Variants in ABLIM1 observed in about 807,000 individuals in gnomAD.
ABLIM1 encodes actin-binding LIM protein 1.
Under a neutral mutation model 107.0 loss-of-function variants are expected in ABLIM1, and 40 were observed. That is an observed-to-expected ratio of 0.37 (90% CI 0.29 to 0.49). ABLIM1 has a LOEUF of 0.49. Ranked by LOEUF, ABLIM1 falls within the 20% of genes least tolerant of loss-of-function variation. The probability of loss-of-function intolerance (pLI) is 0.97; values close to 1 mark genes in which losing one functional copy is unlikely to be tolerated. For missense variants in ABLIM1, 857 were observed against 1,008.5 expected (o/e 0.85, Z 2.04); for synonymous variants, 357 against 357.3 (o/e 1.00, Z 0.01).
chr10:114,579,978 G>A (rs1158329646), intron 2 of ABLIM1, among the ~76,000 whole-genome samples: 3 of 152,124 alleles, frequency 2.0e-5, no homozygotes, highest in South Asian at 2.1e-4. Context: ...GGGGAGACTA[G>A]ATCGGTGTTG....
intron 2 of ABLIM1, among the ~76,000 whole-genome samples, chr10:114,596,245 T>G (rs2139776181): frequency 6.6e-6 from 1 of 152,326 alleles, no homozygotes; most frequent in Non-Finnish European, 1.5e-5. Flanking sequence ...CTGGCCTGCA[T>G]GCTATGCATC....
At chr10:114,573,041 C>T (rs80171207) in intron 3 of ABLIM1, among the ~76,000 whole-genome samples, 3 of 152,184 alleles carry the variant, frequency 2.0e-5, no homozygotes, top group African/African-American at 7.2e-5. Context: ...ATGGGACAAG[C>T]CAGAATCCAG....
intron 6 of ABLIM1, among the ~76,000 whole-genome samples, chr10:114,543,816 C>G (rs535312351): frequency 5.3e-5 from 8 of 152,306 alleles, no homozygotes; most frequent in Non-Finnish European, 1.2e-4. Flanking sequence ...TTTTCCTCAC[C>G]TCTGAGCCTC....
chr10:114,582,354 T>C (rs766953358), intron 2 of ABLIM1, among the ~76,000 whole-genome samples: 8 of 152,024 alleles, frequency 5.3e-5, no homozygotes, highest in Non-Finnish European at 8.8e-5. Context: ...CTGAAAGAAA[T>C]CATAGATGAT....
chr10:114,799,798 G>T, the ABLIM1 span, among the ~76,000 whole-genome samples: 1 of 151,988 alleles, frequency 6.6e-6, no homozygotes, highest in Non-Finnish European at 1.5e-5. Context: ...TTGAGACAGG[G>T]TCTCACTCTG....
rs1430714857 is a variant in ABLIM1, at chr10:114,472,972, A to G, written c.1275+5T>C. ...TACAACTCACAACCAGTAGGAATGT[A>G]TTACCTCTCCAAGGCTCTGTCTCTC... On this transcript the variant is annotated splice_donor_5th_base_variant and intron_variant, in intron 10 of 22. Coordinates refer to ENST00000533213, the MANE Select transcript of ABLIM1 (RefSeq NM_002313.7). 1.3e-6 allele frequency: 2 copies of G among 1,576,736 alleles called. No individual in the cohort carries two copies. Among genetic ancestry groups the G allele is most frequent in the South Asian group, 2.4e-5 (2 of 84,952 alleles).
chr10:114,680,130 G>T (rs1000628392), intron 1 of ABLIM1, among the ~76,000 whole-genome samples: 1 of 148,576 alleles, frequency 6.7e-6, no homozygotes, highest in African/African-American at 2.4e-5. Context: ...TAATTTGCAA[G>T]AATCTGAATC....
intron 1 of ABLIM1, among the ~76,000 whole-genome samples, chr10:114,608,739 G>A (rs1459676428): frequency 6.6e-6 from 1 of 152,086 alleles, no homozygotes; most frequent in Non-Finnish European, 1.5e-5. Flanking sequence ...CAAAGGCTGG[G>A]CACGGTGGCT....
the ABLIM1 span, among the ~76,000 whole-genome samples, chr10:114,799,991 T>A: frequency 6.6e-6 from 1 of 152,126 alleles, no homozygotes; most frequent in Non-Finnish European, 1.5e-5. Context: ...CCCAGGCTGG[T>A]CTCGAACCCC....
At chr10:114,436,496 G>A in intron 22 of ABLIM1, 123 bp from the exon 23 acceptor site, 1 of 697,034 alleles carries the variant, frequency 1.4e-6, no homozygotes, top group Non-Finnish European at 2.4e-6. Flanking sequence ...GACGGGAGAG[G>A]AGCCCATCTT....
chr10:114,754,423 C>G (rs2082586283), intron 1 of ABLIM1, among the ~76,000 whole-genome samples: 1 of 152,228 alleles, frequency 6.6e-6, no homozygotes, highest in Admixed American at 6.5e-5. Context: ...TATTTGGTCC[C>G]TGGCTTCACA....
the ABLIM1 span, among the ~76,000 whole-genome samples, chr10:114,795,972 G>A: frequency 6.6e-6 from 1 of 151,950 alleles, no homozygotes; most frequent in East Asian, 1.9e-4. Flanking sequence ...AGTATTTTCA[G>A]GTAGTTATTA....
At position 114,440,104 on chromosome 10, in the gene ABLIM1, A is replaced by T. The variant is rs1366962659; in HGVS notation, c.2060-15T>A. The T allele has an allele frequency of 6.2e-7, 1 of 1,608,864 alleles. No homozygotes were observed. Among genetic ancestry groups the T allele is most frequent in the Admixed American group, 1.7e-5 (1 of 60,020 alleles). On this transcript the variant is annotated splice_polypyrimidine_tract_variant and intron_variant, in intron 19 of 22. Coordinates refer to ENST00000533213, the MANE Select transcript of ABLIM1 (RefSeq NM_002313.7). ...TACCTGGTAATCTGAAAAGGAAAGG[A>T]AAAGAAAATATCATAAGGGAAAGAC...
intron 8 of ABLIM1, among the ~76,000 whole-genome samples, chr10:114,474,384 CTTTT>C (rs71007472): frequency 7.4e-6 from 1 of 135,946 alleles, no homozygotes; most frequent in Non-Finnish European, 1.5e-5. Flanking sequence ...ATAGAGAGAC[CTTTT>C]TTTTTTTTTT....
chr10:114,685,376 T>C (rs17092288), upstream of ABLIM1, among the ~76,000 whole-genome samples: 3,296 of 152,304 alleles, frequency 0.022, 39 homozygotes, highest in Middle Eastern at 0.054. Flanking sequence ...CGTTGTGAGA[T>C]ATTAATTTAA....
intron 16 of ABLIM1, among the ~76,000 whole-genome samples, chr10:114,445,036 G>A (rs1006289584): frequency 6.6e-6 from 1 of 152,156 alleles, no homozygotes; most frequent in African/African-American, 2.4e-5. Context: ...ATGCCCCCAT[G>A]TGGTCTCTCT....
chr10:114,598,377 G>A (rs1468746513), intron 2 of ABLIM1, among the ~76,000 whole-genome samples: 1 of 150,024 alleles, frequency 6.7e-6, no homozygotes, highest in African/African-American at 2.5e-5. Context: ...ACAAGTTCAA[G>A]AGATAGAGAC....
In ABLIM1 at chr10:114,431,997, C is replaced by G. The variant is rs1297035447; in HGVS notation, c.*4263G>C. 1 of 151,834 alleles carries G rather than the reference C, an allele frequency of 6.6e-6. No homozygotes were observed. Among genetic ancestry groups the G allele is most frequent in the Non-Finnish European group, 1.5e-5 (1 of 67,994 alleles). 9.4% of individuals were successfully genotyped at this position (151,834 alleles called of 1,614,324 possible). A position where few individuals can be genotyped will look rare whatever the true frequency, so the allele number is the denominator to read the frequency against. ...ATAAACAGTGATTAAAAAAAAATGCCAAAGTGAAGGTTTCTCTTTCTTCTA... is the reference window on the plus strand; with the variant it reads ...ATAAACAGTGATTAAAAAAAAATGCGAAAGTGAAGGTTTCTCTTTCTTCTA... On this transcript the variant is annotated 3_prime_UTR_variant, in exon 23 of 23. Coordinates refer to ENST00000533213, the MANE Select transcript of ABLIM1 (RefSeq NM_002313.7).
the ABLIM1 span, among the ~76,000 whole-genome samples, chr10:114,792,763 T>C: frequency 6.6e-6 from 1 of 152,232 alleles, no homozygotes; most frequent in Non-Finnish European, 1.5e-5. Context: ...ACCTTTCCCT[T>C]GAACCCAGAT....
Sources: gnomAD v4.1 joint callset for allele counts (sites outside exome capture counted in the v4.1 genomes callset) on GRCh38, gnomAD v4.1.1 for gene constraint, MANE v1.5 for transcripts, NCBI Gene and HGNC (gene_info 2026-07-23, HGNC 2026-07-21) for gene names.